SLC39A9: variants seen among roughly 807,000 people sequenced by gnomAD.
SLC39A9 encodes the protein zinc transporter ZIP9.
A neutral mutation model predicts 28.4 loss-of-function variants in SLC39A9; 14 were observed. The ratio of observed to expected loss-of-function variants is 0.49; its 90% CI spans 0.33 to 0.77. The LOEUF (loss-of-function observed/expected upper bound fraction) is 0.77. Ranked by LOEUF, SLC39A9 falls within the 30% of genes least tolerant of loss-of-function variation. The pLI is 0.02. For synonymous variants in SLC39A9, 119 were observed against 149.6 expected (o/e 0.80, Z 1.49); for missense variants, 283 against 381.1 (o/e 0.74, Z 2.14).
At chr14:69,413,079 A>G (rs28661733) in intron 1 of SLC39A9, among the ~76,000 whole-genome samples, 68,504 of 151,814 alleles carry the variant, frequency 0.45, 15,611 homozygotes, top group Middle Eastern at 0.58. Flanking sequence ...AGACTCGGCC[A>G]GGCGCAGTGG....
intron 3 of SLC39A9, among the ~76,000 whole-genome samples, chr14:69,446,592 G>A (rs1885316096): frequency 6.6e-6 from 1 of 152,008 alleles, no homozygotes; most frequent in African/African-American, 2.4e-5. Flanking sequence ...TGGGAATCTG[G>A]CTGGGCGCGG....
intron 5 of SLC39A9, among the ~76,000 whole-genome samples, chr14:69,455,324 GGTTTTTT>G (rs897356621): frequency 8.6e-5 from 13 of 151,714 alleles, no homozygotes; most frequent in African/African-American, 3.1e-4. Flanking sequence ...TGTGTGTGTG[GGTTTTTT>G]GTTTTTTGTT....
rs757338069 is a variant in SLC39A9, at chr14:69,459,855, C to A, written c.*1262C>A. ...AATTCTTATCAGGACAACCACTTCT[C>A]GAACTGTAATAATGAAGATAATAAT... On this transcript the variant is annotated 3_prime_UTR_variant, in exon 7 of 7. Transcript: ENST00000336643. 18 of 985,054 alleles carry A rather than the reference C, an allele frequency of 1.8e-5. No homozygotes were observed. Among genetic ancestry groups the A allele is most frequent in the Non-Finnish European group, 2.2e-5 (18 of 829,758 alleles). The allele number at this position is 985,054 out of a possible 1,614,324, so 61.0% of individuals were successfully genotyped here.
At chr14:69,456,225 G>A (rs1885852949) in intron 6 of SLC39A9, among the ~76,000 whole-genome samples, 1 of 152,212 alleles carries the variant, frequency 6.6e-6, no homozygotes, top group African/African-American at 2.4e-5. Flanking sequence ...CCTGAAGCGT[G>A]AGTAACAAGC....
chr14:69,459,931 G>A lies in SLC39A9; in HGVS notation c.*1338G>A, dbSNP rs1594958276. On this transcript the variant is annotated 3_prime_UTR_variant, in exon 7 of 7. Coordinates refer to ENST00000336643, the MANE Select transcript of SLC39A9 (RefSeq NM_018375.5). ...AGAAATTACCTTTGTGTCAAATGCC[G>A]CTTTGTTGAGCCCTTAAAATACCAC... The A allele has an allele frequency of 5.1e-6, 5 of 985,276 alleles. No individual in the cohort carries two copies. Among genetic ancestry groups the A allele is most frequent in the Middle Eastern group, 5.2e-4 (1 of 1,936 alleles). 61.0% of individuals were successfully genotyped at this position (985,276 alleles called of 1,614,324 possible).
rs1886127214 is a variant in SLC39A9, at chr14:69,461,905, AGTT to A, written c.*3316_*3318del. On this transcript the variant is annotated 3_prime_UTR_variant, in exon 7 of 7. Transcript: ENST00000336643. Reference sequence around the variant, plus strand: ...GCAGTGTTAAGTGAAAATCCTCTGTAGTTGTTCTGCAGAGGAACCTTCCTTCCA... The same window carrying A: ...GCAGTGTTAAGTGAAAATCCTCTGTAGTTCTGCAGAGGAACCTTCCTTCCA... 1.5e-6 allele frequency: 1 copy of A among 658,208 alleles called. No homozygotes were observed. The allele number at this position is 658,208 out of a possible 1,614,324, so 40.8% of individuals were successfully genotyped here. A position where few individuals can be genotyped will look rare whatever the true frequency, so the allele number is the denominator to read the frequency against.
chr14:69,406,375 G>T (rs572674532), intron 1 of SLC39A9, among the ~76,000 whole-genome samples: 3 of 152,320 alleles, frequency 2.0e-5, no homozygotes, highest in South Asian at 4.1e-4. Flanking sequence ...GTCGTAAATT[G>T]TGCTGTTCAA....
At chr14:69,420,908 G>A (rs1883851115) in intron 1 of SLC39A9, among the ~76,000 whole-genome samples, 1 of 152,150 alleles carries the variant, frequency 6.6e-6, no homozygotes, top group Non-Finnish European at 1.5e-5. Flanking sequence ...CTTTTTTCAA[G>A]GTTTTAAGCT....
intron 3 of SLC39A9, among the ~76,000 whole-genome samples, chr14:69,443,002 G>A (rs1885118235): frequency 6.6e-6 from 1 of 152,118 alleles, no homozygotes; most frequent in African/African-American, 2.4e-5. Context: ...CTTCTCTAAA[G>A]GACAACTAGA....
chr14:69,449,323 T>C (rs1382232186), intron 3 of SLC39A9, among the ~76,000 whole-genome samples: 1 of 152,184 alleles, frequency 6.6e-6, no homozygotes, highest in East Asian at 1.9e-4. Flanking sequence ...GTGATTCTTG[T>C]CAGTTTCAAT....
At chr14:69,402,035 C>G (rs1882661924) in intron 1 of SLC39A9, among the ~76,000 whole-genome samples, 1 of 152,152 alleles carries the variant, frequency 6.6e-6, no homozygotes, top group Admixed American at 6.6e-5. Context: ...ATTCCCCAAA[C>G]TCCTACACTG....
intron 2 of SLC39A9, among the ~76,000 whole-genome samples, chr14:69,440,175 A>G (rs1413546969): frequency 6.6e-6 from 1 of 151,954 alleles, no homozygotes; most frequent in Non-Finnish European, 1.5e-5. Flanking sequence ...AAACCCAGCT[A>G]CTCGGGAGGC....
intron 3 of SLC39A9, among the ~76,000 whole-genome samples, chr14:69,443,837 C>A (rs1273924512): frequency 6.6e-6 from 1 of 151,924 alleles, no homozygotes; most frequent in African/African-American, 2.4e-5. Flanking sequence ...CCACTGCACT[C>A]CAGCCTGGGT....
chr14:69,405,350 T>C (rs1882857398), intron 1 of SLC39A9, among the ~76,000 whole-genome samples: 1 of 152,252 alleles, frequency 6.6e-6, no homozygotes, highest in African/African-American at 2.4e-5. Context: ...TTGAAGTAGA[T>C]TTAACAATGT....
Position 69,418,060 on chromosome 14 carries a change from A to G in SLC39A9, c.97-6034A>G, listed in dbSNP as rs186739348. 3.3e-5 allele frequency among the ~76,000 whole-genome samples: 5 copies of G among 152,238 alleles called. No individual in the cohort carries two copies. In the East Asian group the frequency reaches 9.7e-4, roughly 29 times the overall value. ...TGTCTTGTGCCAGTTTTCAAAGGGAATGCTTCCAGTTTTTGCCCATTCAGT... is the reference window on the plus strand; with the variant it reads ...TGTCTTGTGCCAGTTTTCAAAGGGAGTGCTTCCAGTTTTTGCCCATTCAGT... On this transcript the variant is annotated intron_variant, in intron 1 of 6. Coordinates refer to ENST00000336643, the MANE Select transcript of SLC39A9 (RefSeq NM_018375.5).
chr14:69,398,513 TTTC>T (rs1882434954), upstream of SLC39A9: 3 of 565,004 alleles, frequency 5.3e-6, no homozygotes, highest in Non-Finnish European at 9.5e-6. Flanking sequence ...TCTTCCGTAC[TTTC>T]GTTATTAAAC....
intron 1 of SLC39A9, among the ~76,000 whole-genome samples, chr14:69,420,811 CGTA>C (rs1214860589): frequency 2.0e-5 from 3 of 152,196 alleles, no homozygotes; most frequent in African/African-American, 7.2e-5. Flanking sequence ...GCATGTGTCA[CGTA>C]GTTCTCATGC....
chr14:69,403,315 A>G (rs1354296306), intron 1 of SLC39A9, among the ~76,000 whole-genome samples: 1 of 152,174 alleles, frequency 6.6e-6, no homozygotes, highest in African/African-American at 2.4e-5. Context: ...GTGCTGCTGC[A>G]GTTGATAAAT....
intron 1 of SLC39A9, among the ~76,000 whole-genome samples, chr14:69,401,310 A>T (rs976041442): frequency 6.6e-6 from 1 of 152,058 alleles, no homozygotes; most frequent in Non-Finnish European, 1.5e-5. Flanking sequence ...AGCCTGTTTC[A>T]CTTATTTGGG....
Sources: allele counts gnomAD v4.1 joint callset (sites outside exome capture counted in the v4.1 genomes callset), GRCh38; gene constraint gnomAD v4.1.1; transcripts MANE v1.5; gene names NCBI Gene and HGNC (gene_info 2026-07-23, HGNC 2026-07-21).